SFSWAP: variants seen among roughly 807,000 people sequenced by gnomAD.
SFSWAP encodes splicing factor, suppressor of white-apricot homolog.
SFSWAP carries 17 observed loss-of-function variants against 100.7 expected under a neutral mutation model. The ratio of observed to expected loss-of-function variants is 0.17; its 90% CI spans 0.12 to 0.25. The LOEUF (loss-of-function observed/expected upper bound fraction) is 0.25, where lower values mean the gene tolerates loss of function less well. Among genes scored for constraint, SFSWAP ranks in the 10% least tolerant of loss-of-function variants. SFSWAP has a pLI of 1.00. For missense variants in SFSWAP, 1,005 were observed against 1,262.6 expected, an observed-to-expected ratio of 0.80 and a Z score of 3.09; for synonymous variants, 504 against 510.1, an observed-to-expected ratio of 0.99 and a Z score of 0.16.
intron 7 of SFSWAP, among the ~76,000 whole-genome samples, chr12:131,752,004 A>T (rs939521709): frequency 2.0e-5 from 3 of 152,236 alleles, no homozygotes; most frequent in African/African-American, 7.2e-5. Context: ...GGAGTTCATC[A>T]TGTATAATTA....
At chr12:131,796,903 G>A (rs1251537372) in intron 15 of SFSWAP, 2 of 372,882 alleles carry the variant, frequency 5.4e-6, no homozygotes, top group Non-Finnish European at 9.6e-6. Context: ...TGCCTGTGGT[G>A]GCTTATCTTA....
chr12:131,779,475 A>G (rs1014957278), intron 14 of SFSWAP, among the ~76,000 whole-genome samples: 1 of 152,174 alleles, frequency 6.6e-6, no homozygotes, highest in Non-Finnish European at 1.5e-5. Context: ...ATCTTGGTGA[A>G]AACCACTTTT....
Position 131,762,934 on chromosome 12 carries a change from A to G in SFSWAP, c.1721-1522A>G, listed in dbSNP as rs576263986. 3.9e-5 allele frequency among the ~76,000 whole-genome samples: 6 copies of G among 152,186 alleles called. No homozygotes were observed. In the South Asian group the frequency reaches 8.3e-4, roughly 21 times the overall value. On this transcript the variant is annotated intron_variant, in intron 11 of 17. Transcript: ENST00000261674. ...TTCTTATGGAAAATCTCAAACATGT[A>G]CGAAAACAGAATATCACATAATGAC...
Position 131,711,117 on chromosome 12 carries a change from T to G in SFSWAP, c.-113T>G, listed in dbSNP as rs2136168513. On this transcript the variant is annotated 5_prime_UTR_variant, in exon 1 of 18. Coordinates refer to ENST00000261674, the MANE Select transcript of SFSWAP (RefSeq NM_004592.4). The surrounding 1 kb of genome is among the most constrained non-coding windows in gnomAD (Gnocchi z 4.9). ...TTTGTGGCCCGCTATGGCGGCGGTG[T>G]TGAGGTTGGGTACGGGATGCGGGGT... 2.2e-5 allele frequency: 18 copies of G among 813,842 alleles called. No homozygotes were observed. The highest frequency in any genetic ancestry group is 3.2e-5 in the Non-Finnish European group (17 of 534,662). 50.4% of individuals were successfully genotyped at this position (813,842 alleles called of 1,614,324 possible).
In SFSWAP at chr12:131,730,141, C is replaced by T. The variant is rs1167579710; in HGVS notation, c.1081+1713C>T. ...GGTGCTCTGTAGATCACTCCTAACG[C>T]CCAGTCCTCACTGCATGGATTTTTG... On this transcript the variant is annotated intron_variant, in intron 7 of 17. Coordinates refer to ENST00000261674, the MANE Select transcript of SFSWAP (RefSeq NM_004592.4). The surrounding 1 kb of genome is among the most constrained non-coding windows in gnomAD (Gnocchi z 4.0). Among the ~76,000 whole-genome samples the T allele has an allele frequency of 6.6e-6, 1 of 152,198 alleles. No homozygotes were observed. The highest frequency in any genetic ancestry group is 2.4e-5 in the African/African-American group (1 of 41,442).
At chr12:131,736,175 T>A (rs954480599) in intron 7 of SFSWAP, among the ~76,000 whole-genome samples, 5 of 151,864 alleles carry the variant, frequency 3.3e-5, no homozygotes, top group African/African-American at 1.2e-4. Flanking sequence ...CAGATCCAAA[T>A]AAAAATAAGG....
At position 131,725,317 on chromosome 12, in the gene SFSWAP, C is replaced by G; in HGVS notation, c.607-88C>G. On this transcript the variant is annotated intron_variant, in intron 4 of 17. Coordinates refer to ENST00000261674, the MANE Select transcript of SFSWAP (RefSeq NM_004592.4). This position sits in a 1 kb window ranked among gnomAD's most constrained non-coding sequence, Gnocchi z 4.3. ...GTATCTCTTAAAATTGACAGTAAAACCAGAGTCATTTCTATGTTTTAATGA... is the reference window on the plus strand; with the variant it reads ...GTATCTCTTAAAATTGACAGTAAAAGCAGAGTCATTTCTATGTTTTAATGA... 1 of 1,126,040 alleles carries G rather than the reference C, an allele frequency of 8.9e-7. No homozygotes were observed. The highest frequency in any genetic ancestry group is 1.3e-5 in the South Asian group (1 of 78,038). The allele number at this position is 1,126,040 out of a possible 1,614,324, so 69.8% of individuals were successfully genotyped here.
chr12:131,744,754 G>T (rs966147044), intron 7 of SFSWAP, among the ~76,000 whole-genome samples: 12 of 152,186 alleles, frequency 7.9e-5, no homozygotes, highest in Non-Finnish European at 1.3e-4. Flanking sequence ...TGCTGATAAA[G>T]ACATACCTGA....
intron 7 of SFSWAP, among the ~76,000 whole-genome samples, chr12:131,731,063 C>T (rs1879455715): frequency 6.6e-6 from 1 of 152,204 alleles, no homozygotes; most frequent in Admixed American, 6.5e-5. Context: ...TCCCACCCAT[C>T]TTGGATCTGG....
At chr12:131,720,439 T>C (rs1037762845) in intron 4 of SFSWAP, among the ~76,000 whole-genome samples, 5 of 152,232 alleles carry the variant, frequency 3.3e-5, no homozygotes, top group African/African-American at 1.2e-4. Flanking sequence ...ACTGGGAAGG[T>C]TGAAAATCTT....
At chr12:131,761,373 A>C (rs910400121) in intron 11 of SFSWAP, among the ~76,000 whole-genome samples, 1 of 152,228 alleles carries the variant, frequency 6.6e-6, no homozygotes, top group Non-Finnish European at 1.5e-5. Context: ...CTGTCCCCGC[A>C]TGGTCCCGTC....
chr12:131,740,500 C>T (rs1239974094), intron 7 of SFSWAP, among the ~76,000 whole-genome samples: 1 of 152,168 alleles, frequency 6.6e-6, no homozygotes, highest in African/African-American at 2.4e-5. Flanking sequence ...ATTCAGTTCT[C>T]ATTTCTGGGA....
Position 131,730,762 on chromosome 12 carries a change from G to T in SFSWAP, c.1081+2334G>T, listed in dbSNP as rs1879421149. On this transcript the variant is annotated intron_variant, in intron 7 of 17. Coordinates refer to ENST00000261674, the MANE Select transcript of SFSWAP (RefSeq NM_004592.4). The surrounding 1 kb of genome is among the most constrained non-coding windows in gnomAD (Gnocchi z 4.0). ...AGGCCCCTGACTACCACCACCCTGGGCACTGACGGCACCCCACCCTATCCT... is the reference window on the plus strand; with the variant it reads ...AGGCCCCTGACTACCACCACCCTGGTCACTGACGGCACCCCACCCTATCCT... Among the ~76,000 whole-genome samples, 1 of 152,158 alleles carries T rather than the reference G, an allele frequency of 6.6e-6. No individual in the cohort carries two copies. The highest frequency in any genetic ancestry group is 1.5e-5 in the Non-Finnish European group (1 of 68,028).
At chr12:131,795,061 C>G (rs940292168) in intron 15 of SFSWAP, among the ~76,000 whole-genome samples, 1 of 152,340 alleles carries the variant, frequency 6.6e-6, no homozygotes, top group African/African-American at 2.4e-5. Flanking sequence ...AACAATTTCA[C>G]AAAACATTTT....
In SFSWAP at chr12:131,769,009, C is replaced by A. The variant is rs542463885; in HGVS notation, c.2142+2701C>A. On this transcript the variant is annotated intron_variant, in intron 13 of 17. Coordinates refer to ENST00000261674, the MANE Select transcript of SFSWAP (RefSeq NM_004592.4). ...GAGCGTGGTGGAGCATGCCTGTAAT[C>A]CCAGCTACTCGGGAGGCTGAGGCAG... Among the ~76,000 whole-genome samples, 12 of 152,188 alleles carry A rather than the reference C, an allele frequency of 7.9e-5. No individual in the cohort carries two copies. In the South Asian group the frequency reaches 1.9e-3, roughly 24 times the overall value.
chr12:131,743,971 G>T (rs896176529), intron 7 of SFSWAP, among the ~76,000 whole-genome samples: 13 of 152,334 alleles, frequency 8.5e-5, no homozygotes, highest in Middle Eastern at 3.4e-3. Flanking sequence ...AGCCTAAGCT[G>T]TACCTTGGCC....
chr12:131,731,932 C>T (rs1396695894), intron 7 of SFSWAP, among the ~76,000 whole-genome samples: 4 of 85,548 alleles, frequency 4.7e-5, no homozygotes, highest in Admixed American at 1.9e-4. Flanking sequence ...TTTTTTGAGA[C>T]GGAGTCTCTC....
At chr12:131,724,051 A>G (rs1325144912) in intron 4 of SFSWAP, among the ~76,000 whole-genome samples, 1 of 152,248 alleles carries the variant, frequency 6.6e-6, no homozygotes, top group Non-Finnish European at 1.5e-5. Context: ...CTTTTTCCAA[A>G]CCAGATACTT....
chr12:131,783,640 G>C (rs1488196259), intron 14 of SFSWAP: 2 of 151,574 alleles, frequency 1.3e-5, no homozygotes, highest in African/African-American at 4.8e-5. Flanking sequence ...AAAATTAGCC[G>C]GGCGTGGTGG....
Sources: allele counts gnomAD v4.1 joint callset (sites outside exome capture counted in the v4.1 genomes callset), GRCh38; gene constraint gnomAD v4.1.1; non-coding constraint Gnocchi (gnomAD v3.1); transcripts MANE v1.5; gene names NCBI Gene and HGNC (gene_info 2026-07-23, HGNC 2026-07-21).